The following KIZ variants were observed in gnomAD, a reference collection of about 807,000 sequenced individuals.
KIZ encodes the protein kizuna centrosomal protein.
A neutral mutation model predicts 79.6 loss-of-function variants in KIZ; 68 were observed. The ratio of observed to expected loss-of-function variants is 0.85; its 90% CI spans 0.70 to 1.05. The LOEUF (loss-of-function observed/expected upper bound fraction) is 1.05, where lower values mean the gene tolerates loss of function less well. Ranked by LOEUF, KIZ falls within the 50% of genes least tolerant of loss-of-function variation. The probability of loss-of-function intolerance (pLI) is 0.00; values close to 1 mark genes in which losing one functional copy is unlikely to be tolerated. For missense variants in KIZ, 797 were observed against 800.4 expected, an observed-to-expected ratio of 1.00 and a Z score of 0.05; for synonymous variants, 280 against 281.8, an observed-to-expected ratio of 0.99 and a Z score of 0.06.
chr20:21,136,834 G>C (rs951823813), intron 3 of KIZ, among the ~76,000 whole-genome samples: 2 of 152,142 alleles, frequency 1.3e-5, no homozygotes, highest in Admixed American at 6.5e-5. Context: ...CTAAGTTTCA[G>C]ATCAGTGGTA....
chr20:21,186,543 C>A (rs111404197), intron 6 of KIZ, among the ~76,000 whole-genome samples: 1 of 149,756 alleles, frequency 6.7e-6, no homozygotes, highest in Non-Finnish European at 1.5e-5. Flanking sequence ...ATTTTTCATT[C>A]GGTACTCTCA....
At chr20:21,206,307 A>C (rs2035825803) in intron 7 of KIZ, among the ~76,000 whole-genome samples, 2 of 152,222 alleles carry the variant, frequency 1.3e-5, no homozygotes, top group Non-Finnish European at 1.5e-5. Flanking sequence ...GGGGTGTGAC[A>C]TCATGGGATG....
At chr20:21,200,933 A>G (rs1052233131) in intron 6 of KIZ, among the ~76,000 whole-genome samples, 2 of 152,292 alleles carry the variant, frequency 1.3e-5, no homozygotes, top group Non-Finnish European at 2.9e-5. Flanking sequence ...TAATACCAGC[A>G]CTTTGGGAGG....
At chr20:21,172,841 T>G (rs2034270224) in intron 6 of KIZ, among the ~76,000 whole-genome samples, 1 of 152,152 alleles carries the variant, frequency 6.6e-6, no homozygotes, top group African/African-American at 2.4e-5. Context: ...TCTCTTAGTT[T>G]ATACTTCTTC....
chr20:21,150,955 T>A (rs1240187654), intron 4 of KIZ: 1 of 152,006 alleles, frequency 6.6e-6, no homozygotes, highest in Non-Finnish European at 1.5e-5. Context: ...CTTTTGGGGG[T>A]GCCTTCCAAG....
intron 6 of KIZ, among the ~76,000 whole-genome samples, chr20:21,201,816 A>G (rs2035612038): frequency 6.6e-6 from 1 of 152,128 alleles, no homozygotes; most frequent in South Asian, 2.1e-4. Context: ...CACTTTGCAC[A>G]TTTTCTGATG....
intron 9 of KIZ, among the ~76,000 whole-genome samples, chr20:21,224,129 G>A (rs944015331): frequency 1.3e-5 from 2 of 151,976 alleles, no homozygotes; most frequent in African/African-American, 4.8e-5. Flanking sequence ...GTGTAGCTGG[G>A]ACTACAGGCA....
At chr20:21,160,165 C>T (rs376694887) in intron 4 of KIZ, among the ~76,000 whole-genome samples, 1 of 152,176 alleles carries the variant, frequency 6.6e-6, no homozygotes, top group East Asian at 1.9e-4. Context: ...TCAGTGTGGT[C>T]GGTCCAGATA....
At chr20:21,184,779 T>A (rs1186293181) in intron 6 of KIZ, among the ~76,000 whole-genome samples, 1 of 152,188 alleles carries the variant, frequency 6.6e-6, no homozygotes, top group African/African-American at 2.4e-5. Flanking sequence ...TGTCGTGGCA[T>A]GCCTTTTATC....
intron 9 of KIZ, 149 bp from the exon 10 acceptor site, chr20:21,228,862 G>T: frequency 5.4e-6 from 3 of 553,056 alleles, no homozygotes; most frequent in Non-Finnish European, 6.4e-6. Context: ...ATTGTTTTTT[G>T]TTTGTTTTCA....
At chr20:21,155,578 G>C (rs1487855254) in intron 4 of KIZ, among the ~76,000 whole-genome samples, 2 of 152,096 alleles carry the variant, frequency 1.3e-5, no homozygotes, top group South Asian at 2.1e-4. Flanking sequence ...TTGTTGGAGT[G>C]ATGAAAAAAA....
chr20:21,225,937 G>C (rs1385427213), intron 9 of KIZ, among the ~76,000 whole-genome samples: 1 of 152,180 alleles, frequency 6.6e-6, no homozygotes, highest in Non-Finnish European at 1.5e-5. Context: ...TCCTCCCTGG[G>C]TAACATGTTC....
At position 21,161,884 on chromosome 20, in the gene KIZ, A is replaced by C. The variant is rs370051792; in HGVS notation, c.419A>C (p.Glu140Ala). 9.9e-6 allele frequency: 16 copies of C among 1,611,776 alleles called. No homozygotes were observed. In the African/African-American group the frequency reaches 1.6e-4, roughly 16 times the overall value. ...TTGGTGTTGCAGGTTGCAGTGCACG[A>C]GGGGATTAACTCAGGAACAGCCATG... ...DEDREKVAVH[E>A]GINSGTAMSR... The change falls in exon 5 of 13, where the codon GAG becomes GCG. Residue 140 changes from glutamate (E) to alanine (A), a missense_variant. Glu to Ala is a moderately radical substitution (Grantham distance 107). Transcript: ENST00000619189.
intron 9 of KIZ, among the ~76,000 whole-genome samples, chr20:21,221,104 A>G (rs1233845953): frequency 2.0e-5 from 3 of 152,198 alleles, no homozygotes; most frequent in Non-Finnish European, 2.9e-5. Context: ...CACTCAGGCC[A>G]TGAGGAAAGT....
intron 7 of KIZ, among the ~76,000 whole-genome samples, chr20:21,211,555 A>G (rs765694123): frequency 2.6e-5 from 4 of 152,204 alleles, no homozygotes; most frequent in Non-Finnish European, 5.9e-5. Flanking sequence ...CTGTGGTAAA[A>G]TTGTTGTCTA....
At chr20:21,144,540 G>T (rs1325427820) in intron 3 of KIZ, among the ~76,000 whole-genome samples, 2 of 151,712 alleles carry the variant, frequency 1.3e-5, no homozygotes, top group Non-Finnish European at 2.9e-5. Context: ...ATTTAATTGG[G>T]TATCTATTTA....
chr20:21,171,596 C>T (rs1285376659), intron 6 of KIZ, among the ~76,000 whole-genome samples: 2 of 152,158 alleles, frequency 1.3e-5, no homozygotes, highest in Non-Finnish European at 2.9e-5. Flanking sequence ...CAGGCGCGTG[C>T]CACCACACCC....
chr20:21,163,185 A>G (rs557081753), intron 6 of KIZ, 26 bp downstream of exon 6: 42 of 1,489,952 alleles, frequency 2.8e-5, no homozygotes, highest in South Asian at 1.3e-4. Flanking sequence ...TTTTTTTTCT[A>G]CTGTTCTGTT....
chr20:21,154,365 G>T (rs2033270001), intron 4 of KIZ, among the ~76,000 whole-genome samples: 1 of 152,018 alleles, frequency 6.6e-6, no homozygotes, highest in African/African-American at 2.4e-5. Context: ...CTCTTCTTAT[G>T]CTCACTCCTC....
Sources: allele counts gnomAD v4.1 joint callset (sites outside exome capture counted in the v4.1 genomes callset), GRCh38; gene constraint gnomAD v4.1.1; transcripts MANE v1.5; gene names NCBI Gene and HGNC (gene_info 2026-07-23, HGNC 2026-07-21).